The following NUP210 variants were observed in gnomAD, a reference collection of about 807,000 sequenced individuals.
The protein encoded by NUP210 is nuclear pore membrane glycoprotein 210.
In NUP210, 151 loss-of-function variants were observed where a neutral mutation model predicts 196.0. That is an observed-to-expected ratio of 0.77 (90% CI 0.67 to 0.88). The LOEUF is 0.88. Among genes scored for constraint, NUP210 ranks in the 40% least tolerant of loss-of-function variants. NUP210 has a pLI of 0.00. For missense variants in NUP210, 2,314 were observed against 2,493.7 expected (o/e 0.93, Z 1.53); for synonymous variants, 1,070 against 1,052.7 (o/e 1.02, Z -0.32).
Position 13,335,485 on chromosome 3 carries a change from G to C in NUP210, c.3812C>G (p.Ala1271Gly). 6.2e-7 allele frequency: 1 copy of C among 1,613,966 alleles called. No homozygotes were observed. ...DPTSGQLYGL[A>G]RELSDEIQVQ... ...TTGGATCTCATCCGAGAGTTCTCTGGCCAGGCCATACAGCTGCCCCGATGT... is the reference window on the plus strand; with the variant it reads ...TTGGATCTCATCCGAGAGTTCTCTGCCCAGGCCATACAGCTGCCCCGATGT... The change falls in exon 28 of 40, where the codon GCC (alanine) becomes GGC (glycine). Residue 1271 changes from alanine to glycine, a missense_variant. By Grantham distance (60) the Ala-to-Gly change is moderately conservative. Transcript: ENST00000254508.
chr3:13,335,647 GC>G, intron 27 of NUP210, 35 bp from the exon 28 acceptor site: 1 of 1,607,150 alleles, frequency 6.2e-7, no homozygotes, highest in Non-Finnish European at 8.5e-7. Context: ...CAGGGGTAAG[GC>G]CCAGGCCCCT....
Position 13,388,318 on chromosome 3 carries a change from C to A in NUP210, c.669G>T (p.Gln223His). 1.2e-6 allele frequency: 2 copies of A among 1,608,560 alleles called. No homozygotes were observed. Among genetic ancestry groups the A allele is most frequent in the Non-Finnish European group, 1.7e-6 (2 of 1,177,798 alleles). Residue 223 changes from glutamine (Q) to histidine (H), a missense_variant, in exon 5 of 40, where the codon CAG becomes CAT. Transcript: ENST00000254508. ...CCAGGCCCACCTTGTAGACAGCCTCCTGGATGCGAGCCTTGAGCTTGGAGC... is the reference window on the plus strand; with the variant it reads ...CCAGGCCCACCTTGTAGACAGCCTCATGGATGCGAGCCTTGAGCTTGGAGC... ...TGSSKLKARI[Q>H]EAVYKNVRPA... is the part of the protein sequence containing the mutation.
chr3:13,355,608 G>T (rs1045299552), intron 16 of NUP210, among the ~76,000 whole-genome samples: 4 of 152,224 alleles, frequency 2.6e-5, no homozygotes, highest in African/African-American at 9.6e-5. Flanking sequence ...CCTGCACCAT[G>T]AGGGCTCCTC....
At chr3:13,342,206 A>G (rs1697539212) in intron 21 of NUP210, 83 bp from the exon 22 acceptor site, 6 of 1,542,536 alleles carry the variant, frequency 3.9e-6, no homozygotes, top group Middle Eastern at 1.7e-4. Flanking sequence ...TTTCTGAGAT[A>G]GCATCACTAA....
At position 13,317,691 on chromosome 3, in the gene NUP210, G is replaced by T; in HGVS notation, c.5654C>A (p.Ala1885Asp). 1.2e-6 allele frequency: 2 copies of T among 1,607,618 alleles called. No homozygotes were observed. The change falls in exon 40 of 40, where the codon GCC becomes GAC. Residue 1885 changes from alanine to aspartate, a missense_variant. By Grantham distance (126) the Ala-to-Asp change is moderately radical. Coordinates refer to ENST00000254508, the MANE Select transcript of NUP210 (RefSeq NM_024923.4). ...PPSGLWSPAY[A>D]SH ...GAACCTTCACGCGGCCTAGTGGGAG[G>T]CATAGGCTGGGCTCCACAGCCCTGA...
chr3:13,362,613 A>G lies in NUP210; in HGVS notation c.1933-2122T>C, dbSNP rs981844685. Among the ~76,000 whole-genome samples, 12 of 152,332 alleles carry G rather than the reference A, an allele frequency of 7.9e-5. No individual in the cohort carries two copies. The East Asian group carries it at 2.3e-3, about 29-fold the overall frequency. ...TTTGACTTTGTTTTTGAATATGAAC[A>G]TTTTTGGGATCTGATATAGGTTATC... On this transcript the variant is annotated intron_variant, in intron 14 of 39. Transcript: ENST00000254508.
In NUP210 at chr3:13,399,696, G is replaced by A. The variant is rs764556826; in HGVS notation, c.304+29C>T. On this transcript the variant is annotated intron_variant, in intron 2 of 39. Transcript: ENST00000254508. ...CGTTTCCCTGTCTCTGGCTCCCACC[G>A]GGGATCACACACAGCACTCAGCCCT... 3.4e-5 allele frequency: 55 copies of A among 1,613,048 alleles called. No individual in the cohort carries two copies. In the Admixed American group the frequency reaches 5.8e-4, roughly 17 times the overall value.
At chr3:13,405,473 T>A (rs906829993) in intron 1 of NUP210, among the ~76,000 whole-genome samples, 1 of 152,130 alleles carries the variant, frequency 6.6e-6, no homozygotes, top group South Asian at 2.1e-4. Context: ...TCCCTTATAC[T>A]AAACCTCTCA....
intron 2 of NUP210, among the ~76,000 whole-genome samples, chr3:13,399,520 C>G (rs11920743): frequency 0.22 from 34,162 of 152,056 alleles, 6,101 homozygotes; most frequent in African/African-American, 0.5. Context: ...CCAGCCTCCA[C>G]AAAAGGGAAC....
At chr3:13,395,692 G>A (rs1050087590) in intron 3 of NUP210, among the ~76,000 whole-genome samples, 1 of 152,136 alleles carries the variant, frequency 6.6e-6, no homozygotes, top group Non-Finnish European at 1.5e-5. Flanking sequence ...CCACTCATCC[G>A]TTGATGGACT....
At position 13,326,879 on chromosome 3, in the gene NUP210, G is replaced by A. The variant is rs914277812; in HGVS notation, c.4507+338C>T. ...GCAGAGCTGTTCCAGAAAAGGGCTG[G>A]CAAATGCTTTCTGTGAAGGTCGGAC... On this transcript the variant is annotated intron_variant, in intron 32 of 39. Coordinates refer to ENST00000254508, the MANE Select transcript of NUP210 (RefSeq NM_024923.4). 5.9e-5 allele frequency among the ~76,000 whole-genome samples: 9 copies of A among 152,248 alleles called. 1 individual carries two copies. The highest frequency in any genetic ancestry group is 4.6e-4 in the Admixed American group (7 of 15,288).
intron 13 of NUP210, among the ~76,000 whole-genome samples, chr3:13,371,410 C>T (rs1014188787): frequency 6.6e-5 from 10 of 152,222 alleles, no homozygotes; most frequent in Admixed American, 6.5e-4. Flanking sequence ...CAGTCAGACT[C>T]CACCAATGTC....
At chr3:13,382,815 C>T (rs1699145732) in intron 6 of NUP210, among the ~76,000 whole-genome samples, 1 of 152,092 alleles carries the variant, frequency 6.6e-6, no homozygotes, top group Non-Finnish European at 1.5e-5. Flanking sequence ...CCTGCAAAAA[C>T]CAATATAGTC....
Position 13,362,803 on chromosome 3 carries a change from C to T in NUP210, c.1933-2312G>A, listed in dbSNP as rs567406189. ...AAGCACTAAGTATGCTCAGGGCCTT[C>T]ATCTCTGCTCCTCTCAGAACTCCCA... On this transcript the variant is annotated intron_variant, in intron 14 of 39. Transcript: ENST00000254508. 1.5e-4 allele frequency among the ~76,000 whole-genome samples: 23 copies of T among 152,216 alleles called. No homozygotes were observed. The South Asian group carries it at 1.7e-3, about 11-fold the overall frequency.
In NUP210 at chr3:13,319,084, G is replaced by T; in HGVS notation, c.5551C>A (p.His1851Asn). The T allele has an allele frequency of 3.7e-6, 6 of 1,605,154 alleles. No individual in the cohort carries two copies. The highest frequency in any genetic ancestry group is 5.1e-6 in the Non-Finnish European group (6 of 1,176,848). ...AALTPRASPG[H>N]SPHYFAASSP... is the part of the protein sequence containing the mutation. Reference sequence around the variant, plus strand: ...GGGGGCTACTCACAGTGGGGGCTGTGTCCAGGGCTGGCTCGAGGCGTGAGG... The same window carrying T: ...GGGGGCTACTCACAGTGGGGGCTGTTTCCAGGGCTGGCTCGAGGCGTGAGG... Residue 1851 changes from histidine to asparagine, a missense_variant, in exon 39 of 40, where the codon CAC (histidine) becomes AAC (asparagine). Physicochemically the swap from His to Asn is moderately conservative, Grantham distance 68. Transcript: ENST00000254508.
At chr3:13,331,955 C>T (rs80355495) in intron 29 of NUP210, among the ~76,000 whole-genome samples, 4,673 of 152,252 alleles carry the variant, frequency 0.031, 108 homozygotes, top group East Asian at 0.074. Flanking sequence ...GATGCTGATG[C>T]TTCTGGCTCA....
intron 37 of NUP210, among the ~76,000 whole-genome samples, chr3:13,319,530 G>A (rs1696420932): frequency 9.2e-6 from 1 of 108,816 alleles, no homozygotes; most frequent in Admixed American, 1.0e-4. Flanking sequence ...CCTGGCGCAG[G>A]CTGCTGAGCA....
intron 3 of NUP210, among the ~76,000 whole-genome samples, chr3:13,396,577 G>A (rs1355006439): frequency 6.4e-5 from 9 of 141,574 alleles, no homozygotes; most frequent in Non-Finnish European, 1.1e-4. Flanking sequence ...GTGAAAACCC[G>A]TTTCCACTAA....
intron 34 of NUP210, 134 bp from the exon 35 acceptor site, chr3:13,322,473 G>T: frequency 1.1e-6 from 1 of 944,520 alleles, no homozygotes; most frequent in Non-Finnish European, 1.6e-6. Context: ...GCCCCAGGGC[G>T]GCTCAAAGCT....
Sources: allele counts gnomAD v4.1 joint callset (sites outside exome capture counted in the v4.1 genomes callset), GRCh38; gene constraint gnomAD v4.1.1; transcripts MANE v1.5; gene names NCBI Gene and HGNC (gene_info 2026-07-23, HGNC 2026-07-21).